Variants in TAFA2 observed in about 807,000 individuals in gnomAD.
TAFA2 encodes TAFA chemokine like family member 2.
Under a neutral mutation model 18.8 loss-of-function variants are expected in TAFA2, and 7 were observed. The ratio of observed to expected loss-of-function variants is 0.37; its 90% CI spans 0.21 to 0.70. The LOEUF is 0.70. Among genes scored for constraint, TAFA2 ranks in the 30% least tolerant of loss-of-function variants. The pLI is 0.53. For synonymous variants in TAFA2, 60 were observed against 54.2 expected, an observed-to-expected ratio of 1.11 and a Z score of -0.47; for missense variants, 122 against 158.1, an observed-to-expected ratio of 0.77 and a Z score of 1.23.
At chr12:62,005,260 T>C (rs1880509116) in intron 1 of TAFA2, among the ~76,000 whole-genome samples, 1 of 152,092 alleles carries the variant, frequency 6.6e-6, no homozygotes, top group South Asian at 2.1e-4. Flanking sequence ...TTCTTTACTA[T>C]GTATGTGTAT....
chr12:61,916,710 T>A (rs1211206903), intron 1 of TAFA2, among the ~76,000 whole-genome samples: 1 of 152,158 alleles, frequency 6.6e-6, no homozygotes, highest in Non-Finnish European at 1.5e-5. Flanking sequence ...AGAGAAAAAA[T>A]TCTGAGTAGA....
intron 1 of TAFA2, among the ~76,000 whole-genome samples, chr12:61,922,441 C>A (rs910639604): frequency 1.3e-5 from 2 of 152,106 alleles, no homozygotes; most frequent in Non-Finnish European, 2.9e-5. Flanking sequence ...TGGGTGCAGC[C>A]TATGGAGGGC....
chr12:62,009,667 G>T (rs549399514), intron 1 of TAFA2, among the ~76,000 whole-genome samples: 3 of 152,100 alleles, frequency 2.0e-5, no homozygotes, highest in Non-Finnish European at 4.4e-5. Flanking sequence ...GACACATTAC[G>T]TCATTCCATC....
intron 1 of TAFA2, among the ~76,000 whole-genome samples, chr12:62,092,153 C>T (rs143233758): frequency 0.015 from 2,308 of 152,044 alleles, 53 homozygotes; most frequent in African/African-American, 0.053. Flanking sequence ...GATTCCATCC[C>T]CATGTACCTA....
upstream of TAFA2, among the ~76,000 whole-genome samples, chr12:62,194,069 T>A (rs939073871): frequency 6.6e-6 from 1 of 152,208 alleles, no homozygotes; most frequent in Admixed American, 6.5e-5. Flanking sequence ...TTTCAAAAGA[T>A]TTATGCCATG....
chr12:61,946,321 G>T (rs1386320600), intron 1 of TAFA2, among the ~76,000 whole-genome samples: 4 of 148,774 alleles, frequency 2.7e-5, no homozygotes, highest in African/African-American at 7.5e-5. Flanking sequence ...ATGGATTAAA[G>T]ATTTAAACGT....
At chr12:61,742,181 C>G (rs1260193654) in intron 4 of TAFA2, among the ~76,000 whole-genome samples, 1 of 152,146 alleles carries the variant, frequency 6.6e-6, no homozygotes. Context: ...AGGCATGAGC[C>G]ACTGTGCCCA....
chr12:61,932,164 C>A (rs754932254), intron 1 of TAFA2, among the ~76,000 whole-genome samples: 3 of 151,816 alleles, frequency 2.0e-5, no homozygotes, highest in Non-Finnish European at 2.9e-5. Context: ...GGGAGAAAAC[C>A]AGATTTTAGA....
chr12:61,904,848 T>G (rs17125498), intron 1 of TAFA2, among the ~76,000 whole-genome samples: 2,814 of 152,316 alleles, frequency 0.018, 83 homozygotes, highest in African/African-American at 0.064. Flanking sequence ...AAATTTTCAG[T>G]GTGCCTAAAG....
At chr12:61,883,585 C>T (rs1875243178) in intron 1 of TAFA2, among the ~76,000 whole-genome samples, 1 of 152,116 alleles carries the variant, frequency 6.6e-6, no homozygotes. Context: ...GATTTGTGAG[C>T]TCATGCAAGT....
At chr12:62,043,716 G>A (rs1451418616) in intron 1 of TAFA2, among the ~76,000 whole-genome samples, 1 of 151,992 alleles carries the variant, frequency 6.6e-6, no homozygotes, top group Non-Finnish European at 1.5e-5. Context: ...TAAGCATCTT[G>A]CAAGGAATCT....
At chr12:61,785,165 T>C (rs1047721432) in intron 2 of TAFA2, among the ~76,000 whole-genome samples, 1 of 151,664 alleles carries the variant, frequency 6.6e-6, no homozygotes, top group Non-Finnish European at 1.5e-5. Context: ...GTTACTTCTA[T>C]AAGATCAACT....
chr12:62,082,030 G>A (rs1403518695), intron 1 of TAFA2, among the ~76,000 whole-genome samples: 1 of 151,396 alleles, frequency 6.6e-6, no homozygotes, highest in African/African-American at 2.4e-5. Context: ...ACTTATAAGT[G>A]AGAATATACA....
intron 1 of TAFA2, among the ~76,000 whole-genome samples, chr12:61,926,573 TA>T (rs1360296126): frequency 6.6e-6 from 1 of 152,178 alleles, no homozygotes; most frequent in Admixed American, 6.5e-5. Context: ...ATCCATTACA[TA>T]AATTGAACCA....
chr12:62,253,287 T>A (rs1257107370), intron 1 of TAFA2: 1 of 152,220 alleles, frequency 6.6e-6, no homozygotes, highest in Non-Finnish European at 1.5e-5. Flanking sequence ...GCAAAAATCT[T>A]TACACTTTGT....
chr12:61,978,009 T>C (rs1356245915), intron 1 of TAFA2, among the ~76,000 whole-genome samples: 1 of 152,066 alleles, frequency 6.6e-6, no homozygotes, highest in Non-Finnish European at 1.5e-5. Flanking sequence ...AATGAAAACA[T>C]TGCTACAATA....
chr12:61,905,488 G>T (rs1384137030), intron 1 of TAFA2, among the ~76,000 whole-genome samples: 1 of 152,046 alleles, frequency 6.6e-6, no homozygotes, highest in South Asian at 2.1e-4. Context: ...AGTTAAAATG[G>T]TCTTGATATT....
intron 1 of TAFA2, among the ~76,000 whole-genome samples, chr12:62,058,862 G>C (rs2136784671): frequency 6.6e-6 from 1 of 152,278 alleles, no homozygotes; most frequent in South Asian, 2.1e-4. Context: ...CCAGCACTTT[G>C]GGAGGCCAAG....
At chr12:61,735,842 T>C (rs76709411) in intron 4 of TAFA2, among the ~76,000 whole-genome samples, 1,997 of 152,170 alleles carry the variant, frequency 0.013, 59 homozygotes, top group African/African-American at 0.046. Context: ...CATTGTATGC[T>C]GAATATATTT....
Sources: allele counts gnomAD v4.1 joint callset (sites outside exome capture counted in the v4.1 genomes callset), GRCh38; gene constraint gnomAD v4.1.1; transcripts MANE v1.5; gene names NCBI Gene and HGNC (gene_info 2026-07-23, HGNC 2026-07-21).